Variants in AP1B1 observed in about 807,000 individuals in gnomAD.
AP1B1 encodes the protein adaptor related protein complex 1 subunit beta 1.
A neutral mutation model predicts 104.3 loss-of-function variants in AP1B1; 36 were observed. That is an observed-to-expected ratio of 0.35 (90% CI 0.26 to 0.46). AP1B1 has a LOEUF of 0.46. AP1B1 is among the 20% of genes least tolerant of loss of function. AP1B1 has a pLI of 1.00. For synonymous variants in AP1B1, 504 were observed against 517.5 expected (o/e 0.97, Z 0.35); for missense variants, 901 against 1,247.9 (o/e 0.72, Z 4.19).
At chr22:29,379,521 T>C (rs1345300150) in intron 1 of AP1B1, among the ~76,000 whole-genome samples, 1 of 152,154 alleles carries the variant, frequency 6.6e-6, no homozygotes, top group African/African-American at 2.4e-5. Context: ...TAGAGCACCA[T>C]CCGCTCCATG....
rs368499847 is a variant in AP1B1, at chr22:29,349,123, G to A, written c.1437+95C>T. ...TCATCTGTCTGTCAGGGCTGTTTAC[G>A]AGGTAATAGGAAGGGAGGGTTTCAT... On this transcript the variant is annotated intron_variant, in intron 11 of 22. Transcript: ENST00000357586. 4.1e-5 allele frequency: 59 copies of A among 1,446,676 alleles called. 1 individual carries two copies. In the East Asian group the frequency reaches 6.4e-4, roughly 16 times the overall value. 89.6% of individuals were successfully genotyped at this position (1,446,676 alleles called of 1,614,324 possible).
chr22:29,341,446 C>T, intron 13 of AP1B1, 55 bp downstream of exon 13: 1 of 1,577,348 alleles, frequency 6.3e-7, no homozygotes, highest in Non-Finnish European at 8.6e-7. Context: ...GCCTGTGCTG[C>T]TAAACTGGGG....
chr22:29,336,079 C>T (rs571066077), intron 16 of AP1B1, among the ~76,000 whole-genome samples: 3 of 152,332 alleles, frequency 2.0e-5, no homozygotes, highest in African/African-American at 7.2e-5. Flanking sequence ...CCAACAGAAC[C>T]ATCTTCAATC....
intron 1 of AP1B1, among the ~76,000 whole-genome samples, chr22:29,382,848 C>G (rs1293579299): frequency 6.6e-6 from 1 of 152,056 alleles, no homozygotes; most frequent in East Asian, 1.9e-4. Flanking sequence ...ATGCAGGGGG[C>G]CTTATGATCA....
intron 15 of AP1B1, 126 bp from the exon 16 acceptor site, chr22:29,339,259 C>G: frequency 9.2e-7 from 1 of 1,091,534 alleles, no homozygotes; most frequent in Non-Finnish European, 1.3e-6. Context: ...GCCTCCATAT[C>G]AACTCTAAAT....
At chr22:29,386,164 C>T (rs1028420898) in intron 1 of AP1B1, among the ~76,000 whole-genome samples, 2 of 152,180 alleles carry the variant, frequency 1.3e-5, no homozygotes, top group African/African-American at 4.8e-5. Context: ...CTAACCCTCA[C>T]ACAAACCAGG....
chr22:29,352,560 G>A (rs112325794), intron 7 of AP1B1, among the ~76,000 whole-genome samples: 181 of 152,268 alleles, frequency 1.2e-3, no homozygotes, highest in African/African-American at 4.1e-3. Flanking sequence ...GACTCCACCT[G>A]TGTCCTTCTC....
intron 2 of AP1B1, among the ~76,000 whole-genome samples, chr22:29,365,920 T>C (rs1398175287): frequency 3.3e-5 from 5 of 152,106 alleles, no homozygotes; most frequent in Non-Finnish European, 7.3e-5. Flanking sequence ...TGCTCAACCT[T>C]GAGCAACACC....
chr22:29,351,253 A>G lies in AP1B1; in HGVS notation c.1073T>C (p.Leu358Pro). 1 of 1,614,148 alleles carries G rather than the reference A, an allele frequency of 6.2e-7. No individual in the cohort carries two copies. The highest frequency in any genetic ancestry group is 1.1e-5 in the South Asian group (1 of 91,080). ...ATCCACTTCTGTTGCGTACTCTTTC[A>G]GCTCTGCCAACACCTGTGGCCCAAA... ...QANIAQVLAE[L>P]KEYATEVDVD... The change falls in exon 9 of 23, where the codon CTG becomes CCG. Residue 358 changes from leucine to proline, a missense_variant. Leu to Pro is a moderately conservative substitution (Grantham distance 98, BLOSUM62 -3). This residue lies in a region of AP1B1 where 471 missense variants were observed against 696.7 expected (regional missense o/e 0.68). Coordinates refer to ENST00000357586, the MANE Select transcript of AP1B1 (RefSeq NM_001127.4).
chr22:29,354,440 C>G (rs1004901095), intron 7 of AP1B1, among the ~76,000 whole-genome samples: 3 of 152,088 alleles, frequency 2.0e-5, no homozygotes, highest in African/African-American at 7.2e-5. Context: ...CGGTAGCATG[C>G]CCCCCTCAGC....
At chr22:29,339,380 C>T (rs1320312200) in intron 15 of AP1B1, among the ~76,000 whole-genome samples, 3 of 152,110 alleles carry the variant, frequency 2.0e-5, no homozygotes, top group Non-Finnish European at 4.4e-5. Context: ...GGGACACTCC[C>T]AAATTGACGC....
In AP1B1 at chr22:29,351,273, C is replaced by T. The variant is rs777793817; in HGVS notation, c.1060-7G>A. On this transcript the variant is annotated splice_region_variant and splice_polypyrimidine_tract_variant and intron_variant, in intron 8 of 22. Coordinates refer to ENST00000357586, the MANE Select transcript of AP1B1 (RefSeq NM_001127.4). Reference sequence around the variant, plus strand: ...CTTTCAGCTCTGCCAACACCTGTGGCCCAAACAGAAAAGATGGGGCTGGGG... The same window carrying T: ...CTTTCAGCTCTGCCAACACCTGTGGTCCAAACAGAAAAGATGGGGCTGGGG... 6.2e-6 allele frequency: 10 copies of T among 1,614,160 alleles called. No individual in the cohort carries two copies. In the East Asian group the frequency reaches 1.1e-4, roughly 18 times the overall value.
At chr22:29,350,258 T>G in intron 9 of AP1B1, 108 bp from the exon 10 acceptor site, 1 of 775,458 alleles carries the variant, frequency 1.3e-6, no homozygotes. Flanking sequence ...TGGCACACCT[T>G]CCTCATCACA....
rs1602682295 is a variant in AP1B1 at position 29,331,533 on chromosome 22, C to T, written c.2440G>A (p.Val814Met). Reference sequence around the variant, plus strand: ...ACATCGATGTTGTTCTTCACGGCCACCTAGGCACAAGGGGGTCCCCAGTCA... The same window carrying T: ...ACATCGATGTTGTTCTTCACGGCCATCTAGGCACAAGGGGGTCCCCAGTCA... ...MKMEPLNNLQ[V>M]AVKNNIDVFY... Residue 814 changes from valine (V) to methionine (M), a missense_variant and splice_region_variant, in exon 19 of 23, where the codon GTG becomes ATG. Physicochemically the swap from Val to Met is conservative, Grantham distance 21 (BLOSUM62 1). Coordinates refer to ENST00000357586, the MANE Select transcript of AP1B1 (RefSeq NM_001127.4). The T allele has an allele frequency of 6.2e-7, 1 of 1,614,190 alleles. No individual in the cohort carries two copies. The highest frequency in any genetic ancestry group is 2.2e-5 in the East Asian group (1 of 44,876).
Position 29,388,504 on chromosome 22 carries a change from C to T in AP1B1, c.-108G>A, listed in dbSNP as rs2062571646. On this transcript the variant is annotated 5_prime_UTR_variant, in exon 1 of 23. Coordinates refer to ENST00000357586, the MANE Select transcript of AP1B1 (RefSeq NM_001127.4). ...GTCCGCGGCCTCCACCTCTCGCTCT[C>T]CCGGTGCGTCCGGGCTGCCGGCGGC... is the stretch of plus-strand genomic sequence containing the variant. 3 of 152,234 alleles carry T rather than the reference C, an allele frequency of 2.0e-5. No homozygotes were observed. Among genetic ancestry groups the T allele is most frequent in the African/African-American group, 7.2e-5 (3 of 41,458 alleles). 9.4% of individuals were successfully genotyped at this position (152,234 alleles called of 1,614,324 possible). A position where few individuals can be genotyped will look rare whatever the true frequency, so the allele number is the denominator to read the frequency against.
At chr22:29,334,948 C>T (rs1227615951) in intron 16 of AP1B1, among the ~76,000 whole-genome samples, 1 of 152,202 alleles carries the variant, frequency 6.6e-6, no homozygotes, top group Admixed American at 6.5e-5. Flanking sequence ...CCTGGCAGGC[C>T]TTCTGCTGCT....
chr22:29,366,833 GACACACACACACACACACAC>G (rs200885223), intron 2 of AP1B1, among the ~76,000 whole-genome samples: 12 of 131,402 alleles, frequency 9.1e-5, no homozygotes, highest in East Asian at 7.0e-4. Flanking sequence ...CTTGGATAAG[GACACACACACACACACACAC>G]ACACACACAC....
chr22:29,338,864 GC>G (rs111806639), intron 16 of AP1B1, 125 bp downstream of exon 16: 30,097 of 1,349,552 alleles, frequency 0.022, 410 homozygotes, highest in South Asian at 0.045. Context: ...TGCCCCTGTG[GC>G]CCCCAGCTTC....
chr22:29,359,238 A>G (rs1398899432), intron 4 of AP1B1, among the ~76,000 whole-genome samples: 1 of 152,210 alleles, frequency 6.6e-6, no homozygotes, highest in East Asian at 1.9e-4. Flanking sequence ...AGGCTCTCAG[A>G]AAGGCTAGGA....
Sources: allele counts gnomAD v4.1 joint callset (sites outside exome capture counted in the v4.1 genomes callset), GRCh38; gene constraint gnomAD v4.1.1; regional missense constraint gnomAD v4.1.1; transcripts MANE v1.5; gene names NCBI Gene and HGNC (gene_info 2026-07-23, HGNC 2026-07-21).